GSKIP: variants seen among roughly 807,000 people sequenced by gnomAD.
The protein encoded by GSKIP is GSK3B-interacting protein.
GSKIP carries 5 observed loss-of-function variants against 11.9 expected under a neutral mutation model. That is an observed-to-expected ratio of 0.42 (90% CI 0.22 to 0.89). GSKIP has a LOEUF of 0.89. Among genes scored for constraint, GSKIP ranks in the 40% least tolerant of loss-of-function variants. The pLI, the probability that GSKIP is intolerant of heterozygous loss-of-function variation, is 0.29. For missense variants in GSKIP, 150 were observed against 166.6 expected (o/e 0.90, Z 0.55); for synonymous variants, 70 against 62.9 (o/e 1.11, Z -0.54).
Position 96,382,413 on chromosome 14 carries a change from A to G in GSKIP, c.166A>G (p.Ser56Gly). 6.2e-7 allele frequency: 1 copy of G among 1,613,944 alleles called. No individual in the cohort carries two copies. The highest frequency in any genetic ancestry group is 8.5e-7 in the Non-Finnish European group (1 of 1,179,824). The stretch of plus-strand genomic sequence containing the variant: ...TGTTAACAACATGTTTGTCTCGAAA[A>G]GCCTGCGGTGTGCGGATGATGTGGC... ...FAVNNMFVSKSLRCADDVAYI... is the reference protein window; with the variant it reads ...FAVNNMFVSKGLRCADDVAYI... Residue 56 changes from serine to glycine, a missense_variant, in exon 3 of 4, where the codon AGC becomes GGC. Ser to Gly is a moderately conservative substitution (Grantham distance 56). Coordinates refer to ENST00000555181, the MANE Select transcript of GSKIP (RefSeq NM_016472.5).
At chr14:96,378,742 C>G (rs1432332076) in intron 1 of GSKIP, among the ~76,000 whole-genome samples, 1 of 152,208 alleles carries the variant, frequency 6.6e-6, no homozygotes, top group African/African-American at 2.4e-5. Context: ...CTTCATAGGG[C>G]TGTTATAGAG....
intron 1 of GSKIP, among the ~76,000 whole-genome samples, chr14:96,373,852 T>C (rs536981599): frequency 1.3e-5 from 2 of 152,280 alleles, no homozygotes; most frequent in African/African-American, 4.8e-5. Flanking sequence ...CAACAATATT[T>C]ATTACTTTTT....
At position 96,387,197 on chromosome 14, in the gene GSKIP, T is replaced by A. The variant is rs982484599; in HGVS notation, c.*1513T>A. ...TGATATTTGTAAAGTTTGAATAAAATTCTGTTTACTCATTTTGAGTTAGTA... is the reference window on the plus strand; with the variant it reads ...TGATATTTGTAAAGTTTGAATAAAAATCTGTTTACTCATTTTGAGTTAGTA... On this transcript the variant is annotated 3_prime_UTR_variant, in exon 4 of 4. Transcript: ENST00000555181. The A allele has an allele frequency of 2.0e-5, 3 of 152,242 alleles. No homozygotes were observed. Among genetic ancestry groups the A allele is most frequent in the Non-Finnish European group, 2.9e-5 (2 of 68,030 alleles). The allele number at this position is 152,242 out of a possible 1,614,324, so 9.4% of individuals were successfully genotyped here.
At chr14:96,383,377 G>T (rs1326939029) in intron 3 of GSKIP, among the ~76,000 whole-genome samples, 2 of 151,086 alleles carry the variant, frequency 1.3e-5, no homozygotes, top group Non-Finnish European at 2.9e-5. Flanking sequence ...CTCCAGCCTG[G>T]GTACACAGAC....
At chr14:96,381,488 G>A (rs903662093) in intron 2 of GSKIP, among the ~76,000 whole-genome samples, 1 of 152,142 alleles carries the variant, frequency 6.6e-6, no homozygotes, top group Non-Finnish European at 1.5e-5. Context: ...ATGGTATGGG[G>A]AAGGCCTAGA....
intron 1 of GSKIP, among the ~76,000 whole-genome samples, chr14:96,372,513 TTAAAA>T (rs1889075391): frequency 6.6e-6 from 1 of 152,234 alleles, no homozygotes; most frequent in South Asian, 2.1e-4. Context: ...CAAAGTCGTG[TTAAAA>T]TAAAATTTTT....
chr14:96,364,758 T>C (rs2139923267), intron 1 of GSKIP: 1 of 152,360 alleles, frequency 6.6e-6, no homozygotes, highest in Middle Eastern at 3.4e-3. Context: ...GTTGATCATG[T>C]GAACAGTGTC....
intron 3 of GSKIP, among the ~76,000 whole-genome samples, chr14:96,383,639 G>A (rs1367224013): frequency 2.6e-5 from 4 of 152,152 alleles, no homozygotes; most frequent in East Asian, 1.9e-4. Context: ...TCTTTAATTC[G>A]CTGGATTCAC....
chr14:96,373,936 A>T (rs539944355), intron 1 of GSKIP, among the ~76,000 whole-genome samples: 1 of 152,342 alleles, frequency 6.6e-6, no homozygotes, highest in South Asian at 2.1e-4. Context: ...ATTCAGCACC[A>T]CATTCACAAT....
At chr14:96,379,358 G>A (rs1889285978) in intron 1 of GSKIP, among the ~76,000 whole-genome samples, 1 of 152,150 alleles carries the variant, frequency 6.6e-6, no homozygotes, top group African/African-American at 2.4e-5. Context: ...TGAAGAGTCT[G>A]TATCTGGGGA....
chr14:96,371,773 A>T (rs1290438039), intron 1 of GSKIP, among the ~76,000 whole-genome samples: 1 of 152,116 alleles, frequency 6.6e-6, no homozygotes, highest in Non-Finnish European at 1.5e-5. Context: ...AATTTTTAAC[A>T]AAGAGCAATA....
rs1485734430 is a variant in GSKIP, at chr14:96,385,974, G to C, written c.*290G>C. 2.2e-5 allele frequency: 6 copies of C among 268,776 alleles called. No individual in the cohort carries two copies. The highest frequency in any genetic ancestry group is 3.6e-5 in the Non-Finnish European group (5 of 138,990). 16.6% of individuals were successfully genotyped at this position (268,776 alleles called of 1,614,324 possible). ...AATCACTATTTCATACTATTACAGG[G>C]CTTTGATGCTGCCAGCACTGTCTTT... On this transcript the variant is annotated 3_prime_UTR_variant, in exon 4 of 4. Transcript: ENST00000555181.
At chr14:96,372,404 A>G (rs1203493758) in intron 1 of GSKIP, among the ~76,000 whole-genome samples, 1 of 152,236 alleles carries the variant, frequency 6.6e-6, no homozygotes. Context: ...CAAAGCAGAG[A>G]TGCTGTTCAG....
intron 2 of GSKIP, 124 bp from the exon 3 acceptor site, chr14:96,382,123 C>T (rs1889359807): frequency 1.7e-6 from 1 of 588,044 alleles, no homozygotes; most frequent in Non-Finnish European, 2.8e-6. Context: ...TTTTTCCTAA[C>T]AATTGTTAGC....
intron 1 of GSKIP, among the ~76,000 whole-genome samples, chr14:96,378,511 C>T (rs955193998): frequency 6.6e-6 from 1 of 152,208 alleles, no homozygotes; most frequent in African/African-American, 2.4e-5. Context: ...GACCTGCTGA[C>T]ATCTTGCTTT....
At chr14:96,376,054 T>C (rs896711852) in intron 1 of GSKIP, among the ~76,000 whole-genome samples, 1 of 152,228 alleles carries the variant, frequency 6.6e-6, no homozygotes, top group African/African-American at 2.4e-5. Flanking sequence ...AATTTCAACA[T>C]GAGTTTTGGA....
At chr14:96,375,397 G>A (rs1263162960) in intron 1 of GSKIP, among the ~76,000 whole-genome samples, 7 of 150,564 alleles carry the variant, frequency 4.6e-5, no homozygotes, top group Admixed American at 3.3e-4. Context: ...CCTGAAACTC[G>A]AAAATTTATA....
intron 1 of GSKIP, among the ~76,000 whole-genome samples, chr14:96,372,141 T>C (rs879606613): frequency 6.6e-6 from 1 of 152,236 alleles, no homozygotes; most frequent in Non-Finnish European, 1.5e-5. Flanking sequence ...AACAGTGATA[T>C]GTATTTTCCA....
intron 2 of GSKIP, among the ~76,000 whole-genome samples, chr14:96,382,036 G>A (rs182800876): frequency 1.6e-4 from 25 of 152,230 alleles, no homozygotes; most frequent in Admixed American, 1.5e-3. Flanking sequence ...GTGGAGAAGG[G>A]AGATTCTTTT....
Sources: allele counts gnomAD v4.1 joint callset (sites outside exome capture counted in the v4.1 genomes callset), GRCh38; gene constraint gnomAD v4.1.1; transcripts MANE v1.5; gene names NCBI Gene and HGNC (gene_info 2026-07-23, HGNC 2026-07-21).